Variants in ZNF202 observed in about 807,000 individuals in gnomAD.
ZNF202 encodes zinc finger protein 202, also known as zinc finger protein with KRAB and SCAN domains 10.
A neutral mutation model predicts 54.5 loss-of-function variants in ZNF202; 22 were observed. That is an observed-to-expected ratio of 0.40 (90% CI 0.29 to 0.58). The LOEUF is 0.58. Among genes scored for constraint, ZNF202 ranks in the 20% least tolerant of loss-of-function variants. The pLI is 0.39. For synonymous variants in ZNF202, 294 were observed against 301.4 expected, an observed-to-expected ratio of 0.98 and a Z score of 0.26; for missense variants, 644 against 805.5, an observed-to-expected ratio of 0.80 and a Z score of 2.43.
In ZNF202 at chr11:123,730,738, G is replaced by T; in HGVS notation, c.151C>A (p.Arg51Ser). Residue 51 changes from arginine to serine, a missense_variant, in exon 4 of 9, where the codon CGC (arginine) becomes AGC (serine). Physicochemically the swap from Arg to Ser is moderately radical, Grantham distance 110. Around this residue, in one of 3 missense-constraint regions of ZNF202, gnomAD observed 62 missense variants for 122.8 expected, o/e 0.50. Coordinates refer to ENST00000530393, the MANE Select transcript of ZNF202 (RefSeq NM_003455.4). This position sits in a 1 kb window ranked among gnomAD's most constrained non-coding sequence, Gnocchi z 6.0. ...CTTGCTGCCTCCTGGTAGCGGAAGCGTCGGAAGTTCTGGTGGGAGGTTTCC... is the reference window on the plus strand; with the variant it reads ...CTTGCTGCCTCCTGGTAGCGGAAGCTTCGGAAGTTCTGGTGGGAGGTTTCC... ...VLETSHQNFR[R>S]FRYQEAASPR... is the part of the protein sequence containing the mutation. 6.2e-7 allele frequency: 1 copy of T among 1,614,236 alleles called. No individual in the cohort carries two copies. Among genetic ancestry groups the T allele is most frequent in the Non-Finnish European group, 8.5e-7 (1 of 1,180,042 alleles).
At position 123,726,946 on chromosome 11, in the gene ZNF202, A is replaced by G; in HGVS notation, c.998T>C (p.Leu333Pro). ...DEEECLEQED[L>P]SLEDIHRPVL... ...AGGCCTGTGTATATCCTCCAAACTC[A>G]GATCTTCCTGCTCCAGACACTCTTC... Residue 333 changes from leucine (L) to proline (P), a missense_variant, in exon 9 of 9, where the codon CTG (leucine) becomes CCG (proline). Physicochemically the swap from Leu to Pro is moderately conservative, Grantham distance 98. This residue lies in a region of ZNF202 where 536 missense variants were observed against 635.3 expected (regional missense o/e 0.84). Coordinates refer to ENST00000530393, the MANE Select transcript of ZNF202 (RefSeq NM_003455.4). The surrounding 1 kb of genome is among the most constrained non-coding windows in gnomAD (Gnocchi z 6.0). 6.2e-7 allele frequency: 1 copy of G among 1,613,802 alleles called. No individual in the cohort carries two copies. Among genetic ancestry groups the G allele is most frequent in the Non-Finnish European group, 8.5e-7 (1 of 1,179,982 alleles).
chr11:123,741,158 C>T (rs1238408463), intron 1 of ZNF202, among the ~76,000 whole-genome samples: 1 of 151,878 alleles, frequency 6.6e-6, no homozygotes, highest in Non-Finnish European at 1.5e-5. Context: ...GAAAAAGCTG[C>T]GGAAAATAAA....
chr11:123,737,270 T>C (rs1220237924), intron 3 of ZNF202, among the ~76,000 whole-genome samples: 1 of 152,206 alleles, frequency 6.6e-6, no homozygotes, highest in Non-Finnish European at 1.5e-5. Context: ...AAACTTAACC[T>C]AGACAGCACA....
At chr11:123,740,725 T>C (rs1415704853) in intron 1 of ZNF202, among the ~76,000 whole-genome samples, 189 bp from the exon 2 acceptor site, 1 of 152,200 alleles carries the variant, frequency 6.6e-6, no homozygotes, top group Non-Finnish European at 1.5e-5. Flanking sequence ...GATGAGAACA[T>C]TCATTGTTCA....
In ZNF202 at chr11:123,729,000, T is replaced by C; in HGVS notation, c.702+126A>G. ...ATTATCTCCTCCCCTTCCAGGTACC[T>C]GCAGAACTGTGAGCTTAAAACTGGC... On this transcript the variant is annotated intron_variant, in intron 6 of 8. Transcript: ENST00000530393. 2.3e-5 allele frequency: 20 copies of C among 884,506 alleles called. No individual in the cohort carries two copies. In the South Asian group the frequency reaches 2.9e-4, roughly 13 times the overall value. The allele number at this position is 884,506 out of a possible 1,614,324, so 54.8% of individuals were successfully genotyped here.
intron 3 of ZNF202, among the ~76,000 whole-genome samples, chr11:123,734,090 T>G (rs1415125757): frequency 6.6e-6 from 1 of 152,018 alleles, no homozygotes; most frequent in Non-Finnish European, 1.5e-5. Context: ...TCCTTTAGCT[T>G]TTGAGAGAGA....
intron 6 of ZNF202, among the ~76,000 whole-genome samples, chr11:123,728,832 A>C (rs1052724954): frequency 6.6e-5 from 10 of 152,026 alleles, no homozygotes; most frequent in African/African-American, 2.4e-4. Flanking sequence ...AAAAAAAAAA[A>C]AACTAAAAAA....
intron 7 of ZNF202, 121 bp from the exon 8 acceptor site, chr11:123,727,716 C>A (rs1246515948): frequency 7.7e-7 from 1 of 1,303,838 alleles, no homozygotes; most frequent in Non-Finnish European, 1.0e-6. Context: ...GTGATGAAAT[C>A]TTTCATCTCT....
intron 3 of ZNF202, among the ~76,000 whole-genome samples, chr11:123,735,162 GAATT>G (rs1221977573): frequency 6.6e-6 from 1 of 152,136 alleles, no homozygotes; most frequent in Non-Finnish European, 1.5e-5. Flanking sequence ...CTGGAAGACA[GAATT>G]AATACATAGG....
In ZNF202 at chr11:123,730,588, C is replaced by G. The variant is rs1285565266; in HGVS notation, c.301G>C (p.Glu101Gln). Residue 101 changes from glutamate to glutamine, a missense_variant, in exon 4 of 9, where the codon GAA (glutamate) becomes CAA (glutamine). Transcript: ENST00000530393. The surrounding 1 kb of genome is among the most constrained non-coding windows in gnomAD (Gnocchi z 6.0). ...LEQFLTVLPG[E>Q]LQSWVRGQRP... is the part of the protein sequence containing the mutation. ...TGGCCCCGCACCCAGCTCTGTAGTT[C>G]TCCAGGTAGGACGGTAAGAAATTGT... 1 of 1,609,870 alleles carries G rather than the reference C, an allele frequency of 6.2e-7. No homozygotes were observed. Among genetic ancestry groups the G allele is most frequent in the African/African-American group, 1.3e-5 (1 of 74,826 alleles).
At position 123,729,617 on chromosome 11, in the gene ZNF202, C is replaced by A. The variant is rs753464799; in HGVS notation, c.611G>T (p.Ser204Ile). 6.4e-7 allele frequency: 1 copy of A among 1,570,796 alleles called. No homozygotes were observed. The highest frequency in any genetic ancestry group is 8.6e-7 in the Non-Finnish European group (1 of 1,161,028). The change falls in exon 5 of 9, where the codon AGC becomes ATC. Residue 204 changes from serine (S) to isoleucine (I), a missense_variant and splice_region_variant. Physicochemically the swap from Ser to Ile is moderately radical, Grantham distance 142 (BLOSUM62 -2). Transcript: ENST00000530393. ...QEEELQTLQE[S>I]EVPVPEDPDL... Reference sequence around the variant, plus strand: ...CCCTTTCTGCTGATGCTTCCCACCGCTCTCCTGCAGGGTCTGGAGCTCCTC... The same window carrying A: ...CCCTTTCTGCTGATGCTTCCCACCGATCTCCTGCAGGGTCTGGAGCTCCTC...
Position 123,726,159 on chromosome 11 carries a change from G to T in ZNF202, c.1785C>A (p.Cys595Ter). ...RGHASVRPCRCNECGKSFSRR... is the reference protein window; with the variant it reads ...RGHASVRPCR The stretch of plus-strand genomic sequence containing the variant: ...GACTGAAGCTCTTCCCACATTCGTT[G>T]CATCGGCAGGGCCTCACTGAGGCGT... Residue 595 changes from cysteine to a stop codon, truncating the protein, a stop_gained, in exon 9 of 9, where the codon TGC (cysteine) becomes TGA (stop). Transcript: ENST00000530393. LOFTEE classifies it high-confidence loss of function. The surrounding 1 kb of genome is among the most constrained non-coding windows in gnomAD (Gnocchi z 6.0). The T allele has an allele frequency of 6.2e-7, 1 of 1,614,240 alleles. No individual in the cohort carries two copies. Among genetic ancestry groups the T allele is most frequent in the Non-Finnish European group, 8.5e-7 (1 of 1,180,050 alleles).
At chr11:123,729,422 C>T (rs1861301644) in intron 5 of ZNF202, among the ~76,000 whole-genome samples, 193 bp downstream of exon 5, 2 of 152,310 alleles carry the variant, frequency 1.3e-5, no homozygotes, top group South Asian at 4.1e-4. Flanking sequence ...CAACAATCTG[C>T]TGTCTAAGCT....
At chr11:123,729,552 AGAAATGT>A in intron 5 of ZNF202, 56 bp downstream of exon 5, 1 of 953,812 alleles carries the variant, frequency 1.0e-6, no homozygotes, top group South Asian at 1.7e-5. Flanking sequence ...GAAATGTCCG[AGAAATGT>A]CCCCCTCCTT....
chr11:123,734,092 T>TGA (rs538436182), intron 3 of ZNF202, among the ~76,000 whole-genome samples: 4 of 152,008 alleles, frequency 2.6e-5, no homozygotes, highest in East Asian at 1.9e-4. Flanking sequence ...CTTTAGCTTT[T>TGA]GAGAGAGAGA....
intron 3 of ZNF202, among the ~76,000 whole-genome samples, chr11:123,736,745 A>G (rs543654770): frequency 6.6e-6 from 1 of 152,216 alleles, no homozygotes; most frequent in Admixed American, 6.5e-5. Context: ...TTGTAACACA[A>G]TTTCCCTAAG....
intron 6 of ZNF202, among the ~76,000 whole-genome samples, chr11:123,728,600 T>C (rs1463810232): frequency 1.3e-5 from 2 of 152,224 alleles, no homozygotes; most frequent in African/African-American, 4.8e-5. Flanking sequence ...TAGTACACTT[T>C]CCCTAAAGAC....
At chr11:123,731,057 A>G (rs941324948) in intron 3 of ZNF202, 72 bp from the exon 4 acceptor site, 10 of 700,430 alleles carry the variant, frequency 1.4e-5, no homozygotes, top group East Asian at 5.5e-5. Context: ...CCTGAGTTCA[A>G]TCATAATCCT....
intron 3 of ZNF202, among the ~76,000 whole-genome samples, chr11:123,735,142 A>G (rs1262997633): frequency 1.3e-5 from 2 of 152,010 alleles, no homozygotes; most frequent in East Asian, 1.9e-4. Context: ...CCCCACCCCA[A>G]CTCCTACCCC....
Sources: gnomAD v4.1 joint callset for allele counts (sites outside exome capture counted in the v4.1 genomes callset) on GRCh38, gnomAD v4.1.1 for gene constraint, gnomAD v4.1.1 regional missense constraint, Gnocchi (gnomAD v3.1) non-coding constraint, MANE v1.5 for transcripts, NCBI Gene and HGNC (gene_info 2026-07-23, HGNC 2026-07-21) for gene names.